PCCA: variants seen among roughly 807,000 people sequenced by gnomAD.
PCCA encodes the protein propionyl-CoA carboxylase subunit alpha.
Under a neutral mutation model 101.3 loss-of-function variants are expected in PCCA, and 74 were observed. The ratio of observed to expected loss-of-function variants is 0.73; its 90% confidence interval spans 0.61 to 0.89. The LOEUF is 0.89. Among genes scored for constraint, PCCA ranks in the 40% least tolerant of loss-of-function variants. The pLI is 0.00. For missense variants in PCCA, 891 were observed against 907.0 expected (o/e 0.98, Z 0.23); for synonymous variants, 294 against 313.6 (o/e 0.94, Z 0.66).
intron 16 of PCCA, among the ~76,000 whole-genome samples, chr13:100,319,900 A>G (rs111487284): frequency 0.017 from 2,600 of 152,282 alleles, 93 homozygotes; most frequent in African/African-American, 0.059. Flanking sequence ...ATGGCATTGA[A>G]TCTATAAATT....
At chr13:100,437,303 G>C (rs575880241) in intron 20 of PCCA, among the ~76,000 whole-genome samples, 1 of 152,224 alleles carries the variant, frequency 6.6e-6, no homozygotes, top group Non-Finnish European at 1.5e-5. Context: ...AATCATTGTG[G>C]ATAACTTTGA....
At chr13:100,328,677 G>A (rs971342500) in intron 16 of PCCA, among the ~76,000 whole-genome samples, 3 of 144,942 alleles carry the variant, frequency 2.1e-5, no homozygotes, top group Non-Finnish European at 4.5e-5. Flanking sequence ...TTAGGTGTTA[G>A]CGTTGAGGTT....
At position 100,194,591 on chromosome 13, in the gene PCCA, T is replaced by C. The variant is rs552543701; in HGVS notation, c.469-14741T>C. Reference sequence around the variant, plus strand: ...TGCCACCACACCCAGCTAATTTTTTTTGTATTTTTATTAGAGACGGGGTTT... The same window carrying C: ...TGCCACCACACCCAGCTAATTTTTTCTGTATTTTTATTAGAGACGGGGTTT... On this transcript the variant is annotated intron_variant, in intron 6 of 23. Coordinates refer to ENST00000376285, the MANE Select transcript of PCCA (RefSeq NM_000282.4). 3.3e-5 allele frequency among the ~76,000 whole-genome samples: 5 copies of C among 152,192 alleles called. No homozygotes were observed. The South Asian group carries it at 1.0e-3, about 32-fold the overall frequency.
At chr13:100,208,010 C>G (rs2058972197) in intron 6 of PCCA, among the ~76,000 whole-genome samples, 1 of 151,970 alleles carries the variant, frequency 6.6e-6, no homozygotes, top group Non-Finnish European at 1.5e-5. Flanking sequence ...GAGTGAGACT[C>G]TGTCTCAAAA....
intron 20 of PCCA, among the ~76,000 whole-genome samples, chr13:100,443,727 T>G (rs2080554855): frequency 6.6e-6 from 1 of 152,076 alleles, no homozygotes; most frequent in Admixed American, 6.6e-5. Context: ...AATTACTTTT[T>G]GTATTCCTGT....
At chr13:100,352,580 G>C (rs71439659) in intron 18 of PCCA, among the ~76,000 whole-genome samples, 1 of 151,930 alleles carries the variant, frequency 6.6e-6, no homozygotes, top group Admixed American at 6.6e-5. Context: ...TTTAAATAGA[G>C]ATGAGGTCTT....
At chr13:100,341,015 G>T (rs2071225006) in intron 18 of PCCA, among the ~76,000 whole-genome samples, 1 of 152,206 alleles carries the variant, frequency 6.6e-6, no homozygotes, top group Admixed American at 6.5e-5. Flanking sequence ...GAAGAATTAG[G>T]TAGAGGAGAA....
intron 8 of PCCA, among the ~76,000 whole-genome samples, chr13:100,245,789 T>C (rs551380745): frequency 6.6e-6 from 1 of 152,350 alleles, no homozygotes; most frequent in South Asian, 2.1e-4. Flanking sequence ...TTGTTTAAGG[T>C]AGTGTCATCC....
intron 7 of PCCA, among the ~76,000 whole-genome samples, chr13:100,231,187 G>A (rs1170296095): frequency 6.6e-6 from 1 of 152,178 alleles, no homozygotes; most frequent in Non-Finnish European, 1.5e-5. Flanking sequence ...CTGTATTTAA[G>A]GTTTGTCTTT....
At chr13:100,130,196 A>G (rs997701830) in intron 4 of PCCA, among the ~76,000 whole-genome samples, 3 of 152,170 alleles carry the variant, frequency 2.0e-5, no homozygotes, top group Non-Finnish European at 4.4e-5. Context: ...AAGTCGAGGC[A>G]TTGTTTTGCT....
At chr13:100,284,773 G>A (rs189485079) in intron 12 of PCCA, among the ~76,000 whole-genome samples, 1 of 152,302 alleles carries the variant, frequency 6.6e-6, no homozygotes, top group East Asian at 1.9e-4. Flanking sequence ...GTTCCTCTTT[G>A]CCTTTGAGGA....
Position 100,341,364 on chromosome 13 carries a change from T to TC in PCCA, c.1643+1110dup, listed in dbSNP as rs558813441. Among the ~76,000 whole-genome samples the TC allele has an allele frequency of 4.8e-4, 73 of 152,292 alleles. 1 individual carries two copies. The highest frequency in any genetic ancestry group is 1.7e-3 in the African/African-American group (69 of 41,570). Reference sequence around the variant, plus strand: ...GTTGTCTTATTTGAATGGTCTTTGCTCCCCCGATGTCTGTACACCTCAGTG... The same window carrying TC: ...GTTGTCTTATTTGAATGGTCTTTGCTCCCCCCGATGTCTGTACACCTCAGTG... On this transcript the variant is annotated intron_variant, in intron 18 of 23. Transcript: ENST00000376285.
At chr13:100,512,519 T>C (rs1250560531) in intron 21 of PCCA, among the ~76,000 whole-genome samples, 1 of 152,134 alleles carries the variant, frequency 6.6e-6, no homozygotes, top group Non-Finnish European at 1.5e-5. Flanking sequence ...GGAGAACACC[T>C]TCCTAAGCCA....
At chr13:100,275,897 C>G (rs2063618496) in intron 12 of PCCA, among the ~76,000 whole-genome samples, 1 of 152,112 alleles carries the variant, frequency 6.6e-6, no homozygotes, top group East Asian at 1.9e-4. Context: ...GACTTGGGTA[C>G]AATTATCCCC....
At chr13:100,300,661 G>A (rs191595025) in intron 12 of PCCA, among the ~76,000 whole-genome samples, 3 of 152,330 alleles carry the variant, frequency 2.0e-5, no homozygotes, top group Admixed American at 6.5e-5. Flanking sequence ...AGTGACTTAA[G>A]TGGCTTCATT....
rs191389181 is a variant in PCCA, at chr13:100,384,790, A to G, written c.1746+16216A>G. Among the ~76,000 whole-genome samples, 179 of 152,280 alleles carry G rather than the reference A, an allele frequency of 1.2e-3. 1 individual carries two copies. Among genetic ancestry groups the G allele is most frequent in the African/African-American group, 4.2e-3 (173 of 41,588 alleles). ...TAGGCTTTTAGTTTAAAAATTACCT[A>G]TGGCTTAAATACAGAGAAGGCAGAC... On this transcript the variant is annotated intron_variant, in intron 19 of 23. Transcript: ENST00000376285.
chr13:100,209,748 C>T (rs2059095776), intron 7 of PCCA, among the ~76,000 whole-genome samples: 1 of 151,842 alleles, frequency 6.6e-6, no homozygotes, highest in South Asian at 2.1e-4. Context: ...TCTCCTGCCT[C>T]AGCCTCCCGA....
chr13:100,154,743 A>G (rs567621611), intron 4 of PCCA: 55 of 497,658 alleles, frequency 1.1e-4, no homozygotes, highest in Non-Finnish European at 1.9e-4. Context: ...GAGATAGGGG[A>G]TATTATGGAA....
chr13:100,089,347 A>G, intron 1 of PCCA, 122 bp downstream of exon 1: 1 of 1,255,038 alleles, frequency 8.0e-7, no homozygotes, highest in Non-Finnish European at 1.0e-6. Flanking sequence ...CCGGTTCCGC[A>G]TCAGCTACAC....
Sources: gnomAD v4.1 joint callset for allele counts (sites outside exome capture counted in the v4.1 genomes callset) on GRCh38, gnomAD v4.1.1 for gene constraint, MANE v1.5 for transcripts, NCBI Gene and HGNC (gene_info 2026-07-23, HGNC 2026-07-21) for gene names.